Variants in NHSL2 observed in about 807,000 individuals in gnomAD.
NHSL2 encodes NHS like 2, also known as NHS-like protein 2.
A neutral mutation model predicts 53.4 loss-of-function variants in NHSL2; 27 were observed. The ratio of observed to expected loss-of-function variants is 0.51; its 90% CI spans 0.37 to 0.70. The LOEUF (loss-of-function observed/expected upper bound fraction) is 0.70, where lower values mean the gene tolerates loss of function less well. NHSL2 is among the 30% of genes least tolerant of loss of function. NHSL2 has a pLI of 0.00. For synonymous variants in NHSL2, 408 were observed against 404.1 expected, an observed-to-expected ratio of 1.01 and a Z score of -0.12; for missense variants, 892 against 980.1, an observed-to-expected ratio of 0.91 and a Z score of 1.20.
intron 1 of NHSL2, among the ~76,000 whole-genome samples, chrX:71,915,644 G>A (rs937470991): frequency 8.9e-6 from 1 of 111,753 alleles, no homozygotes; most frequent in South Asian, 3.8e-4. Context: ...TACCCCTGCT[G>A]TTGGTGGCCT....
intron 1 of NHSL2, among the ~76,000 whole-genome samples, chrX:71,921,096 C>T (rs2041655947): frequency 9.2e-6 from 1 of 109,240 alleles, no homozygotes; most frequent in African/African-American, 3.3e-5. Context: ...AGCCACCGTT[C>T]CCGGCCAATA....
At chrX:71,946,600 A>G (rs2041793910) in intron 1 of NHSL2, among the ~76,000 whole-genome samples, 1 of 110,578 alleles carries the variant, frequency 9.0e-6, no homozygotes, top group South Asian at 3.9e-4. Context: ...ATCATTTCCA[A>G]CTCTGTTACC....
At chrX:72,030,963 G>A (rs910838887) in intron 1 of NHSL2, among the ~76,000 whole-genome samples, 4 of 111,498 alleles carry the variant, frequency 3.6e-5, no homozygotes, top group African/African-American at 1.3e-4. Flanking sequence ...ATCGTTCATA[G>A]GATTTAAAGT....
chrX:71,944,341 A>G (rs1602271378), intron 1 of NHSL2, among the ~76,000 whole-genome samples: 3 of 112,461 alleles, frequency 2.7e-5, no homozygotes, highest in Middle Eastern at 4.6e-3. Context: ...GCAACCAGCA[A>G]TGTCTACCAA....
At chrX:71,931,395 T>C (rs1431410095) in intron 1 of NHSL2, among the ~76,000 whole-genome samples, 1 of 112,563 alleles carries the variant, frequency 8.9e-6, no homozygotes, top group Non-Finnish European at 1.9e-5. Context: ...CTATTTTTTC[T>C]TTGGTTGCTT....
intron 1 of NHSL2, among the ~76,000 whole-genome samples, chrX:72,102,160 G>C (rs1265010069): frequency 8.9e-6 from 1 of 112,411 alleles, no homozygotes; most frequent in Non-Finnish European, 1.9e-5. Flanking sequence ...TGTCTTTGTT[G>C]TACCTCCTCA....
chrX:72,118,961 G>T (rs1282887629), intron 1 of NHSL2, among the ~76,000 whole-genome samples: 1 of 111,299 alleles, frequency 9.0e-6, no homozygotes, highest in African/African-American at 3.3e-5. Flanking sequence ...ATATGAGAAT[G>T]AATTCCAACT....
intron 1 of NHSL2, among the ~76,000 whole-genome samples, chrX:72,049,045 A>AAGAGGAAGAGGAAGAG (rs1569475312): frequency 3.0e-5 from 1 of 32,844 alleles, no homozygotes. Flanking sequence ...AAGAGGAAGA[A>AAGAGGAAGAGGAAGAG]GAAGAAGAAG....
intron 1 of NHSL2, among the ~76,000 whole-genome samples, chrX:71,961,382 C>T (rs1210757105): frequency 9.2e-6 from 1 of 109,086 alleles, no homozygotes; most frequent in Non-Finnish European, 1.9e-5. Flanking sequence ...TTCTTCTTTC[C>T]TTTCTTCTGT....
intron 1 of NHSL2, among the ~76,000 whole-genome samples, chrX:72,058,438 C>T (rs961804806): frequency 2.7e-5 from 3 of 111,283 alleles, no homozygotes; most frequent in Admixed American, 9.5e-5. Context: ...TCCGCCTTCC[C>T]GATTCAAGCG....
At chrX:72,066,362 G>T (rs1362612475) in intron 1 of NHSL2, among the ~76,000 whole-genome samples, 1 of 111,680 alleles carries the variant, frequency 9.0e-6, no homozygotes, top group Non-Finnish European at 1.9e-5. Context: ...GATAGACGGG[G>T]GTCCAAAACC....
chrX:72,062,787 C>T (rs776407382), intron 1 of NHSL2, among the ~76,000 whole-genome samples: 1 of 112,696 alleles, frequency 8.9e-6, no homozygotes, highest in South Asian at 3.7e-4. Flanking sequence ...CTGTGGGCAG[C>T]AGCTGGGGCT....
chrX:71,924,371 A>G (rs913286989), intron 1 of NHSL2, among the ~76,000 whole-genome samples: 3 of 111,536 alleles, frequency 2.7e-5, no homozygotes, highest in Non-Finnish European at 1.9e-5. Flanking sequence ...TTCCTGCTAT[A>G]CTTTTTTCAC....
At chrX:72,039,025 C>G (rs189141898) in intron 1 of NHSL2, among the ~76,000 whole-genome samples, 149 of 110,688 alleles carry the variant, frequency 1.3e-3, no homozygotes, top group Non-Finnish European at 2.4e-3. Context: ...TTCTCCTCTG[C>G]TTTCCTTTCC....
chrX:72,082,611 A>T (rs1473243187), intron 1 of NHSL2, among the ~76,000 whole-genome samples: 1 of 112,098 alleles, frequency 8.9e-6, no homozygotes, highest in Admixed American at 9.4e-5. Flanking sequence ...CAGGGATTGA[A>T]CCCAGGCCCA....
intron 1 of NHSL2, among the ~76,000 whole-genome samples, chrX:72,099,719 T>C (rs866198327): frequency 9.8e-5 from 11 of 112,258 alleles, no homozygotes; most frequent in African/African-American, 3.6e-4. Flanking sequence ...AAGAAAAAGG[T>C]GAAATTAATT....
chrX:71,911,442 T>G, intron 1 of NHSL2, 75 bp downstream of exon 1: 1 of 893,122 alleles, frequency 1.1e-6, no homozygotes, highest in Non-Finnish European at 1.4e-6. Context: ...CGCTTAGCGC[T>G]GTGCCCACCC....
chrX:72,079,111 A>G lies in NHSL2; in HGVS notation c.281-52968A>G, dbSNP rs73223145. 3.5e-3 allele frequency among the ~76,000 whole-genome samples: 391 copies of G among 112,707 alleles called. 1 individual carries two copies. The highest frequency in any genetic ancestry group is 7.5e-3 in the Admixed American group (80 of 10,687). Reference sequence around the variant, plus strand: ...AGACAGTTACTGGAACGAGGGCTCAATCCATCGCCCATGCTCATTTTGCCA... The same window carrying G: ...AGACAGTTACTGGAACGAGGGCTCAGTCCATCGCCCATGCTCATTTTGCCA... On this transcript the variant is annotated intron_variant, in intron 1 of 7. Transcript: ENST00000633930.
At chrX:71,982,019 A>C (rs1241907281) in intron 1 of NHSL2, among the ~76,000 whole-genome samples, 4 of 112,473 alleles carry the variant, frequency 3.6e-5, no homozygotes, top group Admixed American at 9.4e-5. Context: ...CATAAAAAAA[A>C]GCTTGTACAT....
Sources: gnomAD v4.1 joint callset for allele counts (sites outside exome capture counted in the v4.1 genomes callset) on GRCh38, gnomAD v4.1.1 for gene constraint, MANE v1.5 for transcripts, NCBI Gene and HGNC (gene_info 2026-07-23, HGNC 2026-07-21) for gene names.